The following MYO1E variants were observed in gnomAD, a reference collection of about 807,000 sequenced individuals.
MYO1E encodes the protein myosin IE.
Under a neutral mutation model 151.1 loss-of-function variants are expected in MYO1E, and 68 were observed. The ratio of observed to expected loss-of-function variants is 0.45; its 90% confidence interval spans 0.37 to 0.55. The LOEUF (loss-of-function observed/expected upper bound fraction) is 0.55. Among genes scored for constraint, MYO1E ranks in the 20% least tolerant of loss-of-function variants. The probability of loss-of-function intolerance (pLI) is 0.00; values close to 1 mark genes in which losing one functional copy is unlikely to be tolerated. For missense variants in MYO1E, 1,363 were observed against 1,389.3 expected (o/e 0.98, Z 0.30); for synonymous variants, 601 against 501.7 (o/e 1.20, Z -2.64).
In MYO1E at chr15:59,208,329, T is replaced by C. The variant is rs868343529; in HGVS notation, c.1530+352A>G. On this transcript the variant is annotated intron_variant, in intron 14 of 27. Transcript: ENST00000288235. ...AGCAGCACTTGCCATGTTATATATA[T>C]GTAGTTGGCATTTGGTTCCCAAAAA... 28 of 562,282 alleles carry C rather than the reference T, an allele frequency of 5.0e-5. 1 individual carries two copies. In the East Asian group the frequency reaches 5.1e-4, roughly 10 times the overall value. 34.8% of individuals were successfully genotyped at this position (562,282 alleles called of 1,614,324 possible). A position where few individuals can be genotyped will look rare whatever the true frequency, so the allele number is the denominator to read the frequency against.
intron 1 of MYO1E, among the ~76,000 whole-genome samples, chr15:59,296,813 T>C (rs528839899): frequency 6.6e-6 from 1 of 151,386 alleles, no homozygotes; most frequent in East Asian, 1.9e-4. Flanking sequence ...GTTACACAAA[T>C]ATACAAAGAA....
intron 1 of MYO1E, among the ~76,000 whole-genome samples, chr15:59,274,925 T>C (rs2080309197): frequency 6.6e-6 from 1 of 152,214 alleles, no homozygotes; most frequent in Admixed American, 6.5e-5. Flanking sequence ...GAGGACTCAT[T>C]TTCCAGTCTG....
At chr15:59,326,799 T>C (rs1463896973) in intron 1 of MYO1E, among the ~76,000 whole-genome samples, 5 of 152,244 alleles carry the variant, frequency 3.3e-5, no homozygotes, top group Admixed American at 6.5e-5. Context: ...ATTCTTCCCT[T>C]TGTCAATATG....
intron 1 of MYO1E, among the ~76,000 whole-genome samples, chr15:59,277,564 A>AAAAAC: frequency 7.2e-6 from 1 of 139,794 alleles, no homozygotes; most frequent in East Asian, 2.1e-4. Context: ...AAAAAAAAAA[A>AAAAAC]AAAAAAAAAC....
rs571738525 is a variant in MYO1E, at chr15:59,202,259, C to A, written c.1698+67G>T. 18 of 1,381,498 alleles carry A rather than the reference C, an allele frequency of 1.3e-5. No individual in the cohort carries two copies. In the South Asian group the frequency reaches 2.1e-4, roughly 16 times the overall value. 85.6% of individuals were successfully genotyped at this position (1,381,498 alleles called of 1,614,324 possible). ...CTGACCTCATCCTGGCCCAGGGGTG[C>A]AGTTCCTTACTCCTAGAAAGCGCTA... On this transcript the variant is annotated intron_variant, in intron 16 of 27. Coordinates refer to ENST00000288235, the MANE Select transcript of MYO1E (RefSeq NM_004998.4).
intron 1 of MYO1E, among the ~76,000 whole-genome samples, chr15:59,288,970 T>C (rs185412596): frequency 4.5e-4 from 69 of 152,220 alleles, no homozygotes; most frequent in African/African-American, 1.6e-3. Context: ...GTGGCAGGGA[T>C]AAGGAAGGGG....
chr15:59,267,728 G>A (rs901942874), intron 2 of MYO1E, among the ~76,000 whole-genome samples: 13 of 152,284 alleles, frequency 8.5e-5, no homozygotes, highest in South Asian at 2.1e-4. Flanking sequence ...TCTTTTCGTC[G>A]GCCAAGTGGT....
At chr15:59,249,443 G>A (rs1360955437) in intron 4 of MYO1E, among the ~76,000 whole-genome samples, 1 of 136,756 alleles carries the variant, frequency 7.3e-6, no homozygotes, top group Non-Finnish European at 1.6e-5. Context: ...AAAAAAATCC[G>A]ATTTGTTACA....
At position 59,319,624 on chromosome 15, in the gene MYO1E, C is replaced by CCAGGCA. The variant is rs1402956628; in HGVS notation, c.4-47181_4-47176dup. Among the ~76,000 whole-genome samples the CCAGGCA allele has an allele frequency of 5.9e-5, 8 of 136,658 alleles. No homozygotes were observed. In the East Asian group the frequency reaches 1.6e-3, roughly 27 times the overall value. 89.7% of individuals were successfully genotyped at this position (136,658 alleles called of 152,430 possible). A position where few individuals can be genotyped will look rare whatever the true frequency, so the allele number is the denominator to read the frequency against. On this transcript the variant is annotated intron_variant, in intron 1 of 27. Coordinates refer to ENST00000288235, the MANE Select transcript of MYO1E (RefSeq NM_004998.4). ...TGCACCTAAAAAACCCCAGAGACAG[C>CCAGGCA]CAGGCACGGGGGTTCATGCCTGTGA...
intron 14 of MYO1E, chr15:59,208,470 T>G: frequency 1.6e-6 from 1 of 636,516 alleles, no homozygotes; most frequent in Non-Finnish European, 2.8e-6. Flanking sequence ...TGTAAAAAAG[T>G]AGTAGCTTCT....
At chr15:59,371,194 A>G (rs2080942210) in intron 1 of MYO1E, among the ~76,000 whole-genome samples, 1 of 152,196 alleles carries the variant, frequency 6.6e-6, no homozygotes, top group Admixed American at 6.5e-5. Flanking sequence ...AATAAACAGC[A>G]CGGGGCAAGG....
At chr15:59,210,666 C>A in intron 12 of MYO1E, 66 bp from the exon 13 acceptor site, 2 of 1,107,968 alleles carry the variant, frequency 1.8e-6, no homozygotes, top group East Asian at 2.3e-5. Context: ...CGGACAGACC[C>A]TGAATGGACA....
intron 12 of MYO1E, among the ~76,000 whole-genome samples, chr15:59,211,903 TA>T (rs2079881452): frequency 6.6e-6 from 1 of 152,124 alleles, no homozygotes; most frequent in Non-Finnish European, 1.5e-5. Context: ...CACTGGTTTT[TA>T]AACTTCCATT....
intron 1 of MYO1E, among the ~76,000 whole-genome samples, chr15:59,357,822 C>G (rs538244656): frequency 6.6e-6 from 1 of 151,868 alleles, no homozygotes; most frequent in Admixed American, 6.6e-5. Context: ...ATTAGACTGA[C>G]GGGATGGAGA....
intron 1 of MYO1E, among the ~76,000 whole-genome samples, chr15:59,303,088 A>G (rs1354202544): frequency 6.6e-6 from 1 of 152,244 alleles, no homozygotes; most frequent in East Asian, 1.9e-4. Context: ...TATTTTGAGA[A>G]GCCAGCTTGG....
intron 2 of MYO1E, among the ~76,000 whole-genome samples, chr15:59,271,625 T>G (rs1393692516): frequency 6.6e-6 from 1 of 152,242 alleles, no homozygotes; most frequent in Non-Finnish European, 1.5e-5. Flanking sequence ...CCATAAAAAA[T>G]GGCATCCGGC....
chr15:59,328,199 C>T (rs1046303476), intron 1 of MYO1E, among the ~76,000 whole-genome samples: 1 of 152,168 alleles, frequency 6.6e-6, no homozygotes, highest in Non-Finnish European at 1.5e-5. Flanking sequence ...CAAAATGTGG[C>T]CTTTGCTCAA....
chr15:59,306,606 T>C (rs532401600), intron 1 of MYO1E, among the ~76,000 whole-genome samples: 1 of 152,230 alleles, frequency 6.6e-6, no homozygotes, highest in Non-Finnish European at 1.5e-5. Flanking sequence ...AATGCTAAAT[T>C]TGTGAGTGCC....
rs1011653169 is a variant in MYO1E at position 59,231,636 on chromosome 15, G to A, written c.510+66C>T. 2.6e-6 allele frequency: 4 copies of A among 1,522,354 alleles called. No homozygotes were observed. The Admixed American group carries it at 6.7e-5, about 25-fold the overall frequency. 94.3% of individuals were successfully genotyped at this position (1,522,354 alleles called of 1,614,324 possible). ...GGCTCCCATTTCCTGTGGGATACTA[G>A]ACTTCAGTCAGAAGCATCAACATCA... On this transcript the variant is annotated intron_variant, in intron 6 of 27. Coordinates refer to ENST00000288235, the MANE Select transcript of MYO1E (RefSeq NM_004998.4).
Sources: allele counts gnomAD v4.1 joint callset (sites outside exome capture counted in the v4.1 genomes callset), GRCh38; gene constraint gnomAD v4.1.1; transcripts MANE v1.5; gene names NCBI Gene and HGNC (gene_info 2026-07-23, HGNC 2026-07-21).